Variants in GRM7 observed in about 807,000 individuals in gnomAD.
GRM7 encodes the protein glutamate metabotropic receptor 7, also known as metabotropic glutamate receptor 7.
A neutral mutation model predicts 84.5 loss-of-function variants in GRM7; 35 were observed. That is an observed-to-expected ratio of 0.41 (90% CI 0.32 to 0.55). GRM7 has a LOEUF of 0.55. Ranked by LOEUF, GRM7 falls within the 20% of genes least tolerant of loss-of-function variation. The pLI, the probability that GRM7 is intolerant of heterozygous loss-of-function variation, is 0.19. For missense variants in GRM7, 1,003 were observed against 1,194.6 expected (o/e 0.84, Z 2.36); for synonymous variants, 487 against 455.1 (o/e 1.07, Z -0.89).
chr3:7,311,887 A>C (rs1031699503), intron 4 of GRM7, among the ~76,000 whole-genome samples: 1 of 152,108 alleles, frequency 6.6e-6, no homozygotes, highest in African/African-American at 2.4e-5. Flanking sequence ...AAGCCACTGC[A>C]CCCGGCCTCA....
At chr3:7,250,021 A>G (rs1237178850) in intron 2 of GRM7, among the ~76,000 whole-genome samples, 1 of 152,192 alleles carries the variant, frequency 6.6e-6, no homozygotes, top group Non-Finnish European at 1.5e-5. Context: ...TCTCTTGGCT[A>G]GAAGTTAGTC....
intron 7 of GRM7, among the ~76,000 whole-genome samples, chr3:7,536,518 C>G (rs1701250122): frequency 6.6e-6 from 1 of 152,210 alleles, no homozygotes; most frequent in African/African-American, 2.4e-5. Context: ...CTTGTGTAAT[C>G]TGTTCCCCTA....
chr3:7,300,184 T>C (rs1699949299), intron 3 of GRM7, among the ~76,000 whole-genome samples: 1 of 152,192 alleles, frequency 6.6e-6, no homozygotes, highest in South Asian at 2.1e-4. Flanking sequence ...AATATATCAT[T>C]GACTTTGAAG....
chr3:7,355,924 TG>T (rs1336332573), intron 4 of GRM7, among the ~76,000 whole-genome samples: 1 of 152,142 alleles, frequency 6.6e-6, no homozygotes, highest in Non-Finnish European at 1.5e-5. Flanking sequence ...CTTGTTTACT[TG>T]GGATGGTTCT....
chr3:6,887,268 T>A (rs1559307450), intron 1 of GRM7, among the ~76,000 whole-genome samples: 1 of 152,094 alleles, frequency 6.6e-6, no homozygotes, highest in African/African-American at 2.4e-5. Flanking sequence ...TTAGGGTACA[T>A]GTGCACAATG....
chr3:7,362,828 C>CTTAAAAGTAGG (rs1693725376), intron 4 of GRM7, among the ~76,000 whole-genome samples: 1 of 152,040 alleles, frequency 6.6e-6, no homozygotes, highest in East Asian at 1.9e-4. Context: ...AGTTCCTGTT[C>CTTAAAAGTAGG]TTAAAAGTAG....
intron 1 of GRM7, among the ~76,000 whole-genome samples, chr3:7,061,277 A>G (rs1697426733): frequency 6.6e-6 from 1 of 151,814 alleles, no homozygotes; most frequent in Non-Finnish European, 1.5e-5. Context: ...CTGGAATAGT[A>G]TTACTAACAA....
At chr3:6,977,361 TTGTCTGTGTGTGTGTG>T (rs929940462) in intron 1 of GRM7, among the ~76,000 whole-genome samples, 1 of 151,886 alleles carries the variant, frequency 6.6e-6, no homozygotes, top group African/African-American at 2.4e-5. Flanking sequence ...GTGTGTGTGT[TTGTCTGTGTGTGTGTG>T]TGTCTGTGTG....
intron 1 of GRM7, among the ~76,000 whole-genome samples, chr3:7,014,101 A>G (rs11920975): frequency 0.46 from 70,462 of 151,890 alleles, 16,497 homozygotes; most frequent in South Asian, 0.57. Flanking sequence ...ATCTTGATGC[A>G]TGTGGGCTGT....
chr3:7,123,769 T>A (rs891692602), intron 1 of GRM7, among the ~76,000 whole-genome samples: 1 of 152,224 alleles, frequency 6.6e-6, no homozygotes, highest in Admixed American at 6.5e-5. Flanking sequence ...GATTTGCCTA[T>A]GCTTCTAAAA....
At chr3:7,387,593 T>C (rs1694834938) in intron 4 of GRM7, among the ~76,000 whole-genome samples, 1 of 152,200 alleles carries the variant, frequency 6.6e-6, no homozygotes, top group Non-Finnish European at 1.5e-5. Flanking sequence ...GATCAATTAG[T>C]TGTAGGTGTG....
At chr3:6,888,826 A>G (rs1695813084) in intron 1 of GRM7, among the ~76,000 whole-genome samples, 1 of 152,268 alleles carries the variant, frequency 6.6e-6, no homozygotes, top group African/African-American at 2.4e-5. Context: ...CTTGGGCAGT[A>G]CGGCCATTTT....
intron 5 of GRM7, among the ~76,000 whole-genome samples, chr3:7,429,258 G>A (rs1391690358): frequency 6.6e-6 from 1 of 151,948 alleles, no homozygotes; most frequent in East Asian, 1.9e-4. Context: ...CATGTAAAGT[G>A]CTTAGTCCAA....
intron 6 of GRM7, among the ~76,000 whole-genome samples, chr3:7,460,486 G>A (rs1698201926): frequency 6.6e-6 from 1 of 152,112 alleles, no homozygotes; most frequent in African/African-American, 2.4e-5. Flanking sequence ...CATCAATTTG[G>A]GTCAATGGCT....
At chr3:7,267,973 T>C (rs1198420838) in intron 2 of GRM7, among the ~76,000 whole-genome samples, 1 of 152,084 alleles carries the variant, frequency 6.6e-6, no homozygotes, top group Non-Finnish European at 1.5e-5. Context: ...TTAGTGCCGT[T>C]AGAAAGAAAC....
chr3:7,085,640 C>T (rs1395624372), intron 1 of GRM7, among the ~76,000 whole-genome samples: 1 of 152,100 alleles, frequency 6.6e-6, no homozygotes, highest in Admixed American at 6.6e-5. Context: ...GTTCAATTAA[C>T]TTTTTACTCA....
chr3:7,291,683 C>T (rs1280481027), intron 2 of GRM7, among the ~76,000 whole-genome samples: 1 of 152,148 alleles, frequency 6.6e-6, no homozygotes, highest in Non-Finnish European at 1.5e-5. Context: ...GATTGGGAAA[C>T]ACACTTGACC....
intron 2 of GRM7, among the ~76,000 whole-genome samples, chr3:7,271,996 A>G (rs1237305718): frequency 6.6e-6 from 1 of 152,176 alleles, no homozygotes; most frequent in Non-Finnish European, 1.5e-5. Context: ...AGATTCTTGG[A>G]GGAAAAGGCC....
intron 2 of GRM7, among the ~76,000 whole-genome samples, chr3:7,180,416 C>T (rs1695296542): frequency 6.6e-6 from 1 of 152,194 alleles, no homozygotes; most frequent in Non-Finnish European, 1.5e-5. Context: ...AAACAGCAAT[C>T]TGTGGACCCG....
Sources: gnomAD v4.1 joint callset for allele counts (sites outside exome capture counted in the v4.1 genomes callset) on GRCh38, gnomAD v4.1.1 for gene constraint, MANE v1.5 for transcripts, NCBI Gene and HGNC (gene_info 2026-07-23, HGNC 2026-07-21) for gene names.